The following SNX24 variants were observed in gnomAD, a reference collection of about 807,000 sequenced individuals.
SNX24 encodes sorting nexin 24.
Under a neutral mutation model 28.7 loss-of-function variants are expected in SNX24, and 22 were observed. That is an observed-to-expected ratio of 0.77 (90% CI 0.55 to 1.10). The LOEUF (loss-of-function observed/expected upper bound fraction) is 1.10, where lower values mean the gene tolerates loss of function less well. Ranked by LOEUF, SNX24 falls within the 50% of genes least tolerant of loss-of-function variation. The pLI, the probability that SNX24 is intolerant of heterozygous loss-of-function variation, is 0.00. For synonymous variants in SNX24, 69 were observed against 71.5 expected, an observed-to-expected ratio of 0.96 and a Z score of 0.18; for missense variants, 221 against 201.1, an observed-to-expected ratio of 1.10 and a Z score of -0.60.
At chr5:122,974,520 G>T (rs181931712) in intron 3 of SNX24, among the ~76,000 whole-genome samples, 2 of 152,206 alleles carry the variant, frequency 1.3e-5, no homozygotes, top group Non-Finnish European at 2.9e-5. Context: ...GGAGAAAAAG[G>T]CATTTGCCAA....
intron 6 of SNX24, among the ~76,000 whole-genome samples, chr5:123,002,369 A>G (rs1014482645): frequency 1.3e-5 from 2 of 152,168 alleles, no homozygotes; most frequent in African/African-American, 4.8e-5. Context: ...CCGGCCAGGC[A>G]TTTTTAAAAT....
chr5:122,855,967 T>C (rs1755170712), intron 1 of SNX24, among the ~76,000 whole-genome samples: 1 of 152,218 alleles, frequency 6.6e-6, no homozygotes, highest in Non-Finnish European at 1.5e-5. Context: ...CCATCTTTTA[T>C]TTATTTACTT....
chr5:122,854,897 C>A (rs1293922698), intron 1 of SNX24, among the ~76,000 whole-genome samples: 1 of 152,090 alleles, frequency 6.6e-6, no homozygotes, highest in Admixed American at 6.5e-5. Context: ...TGTGCAGTAG[C>A]ATTATGTCTA....
intron 1 of SNX24, among the ~76,000 whole-genome samples, chr5:122,909,389 G>A (rs1475940686): frequency 6.6e-6 from 1 of 152,162 alleles, no homozygotes; most frequent in African/African-American, 2.4e-5. Context: ...TTTAACAGGT[G>A]AAAAAACAGA....
chr5:122,980,572 AAACTC>A (rs1304926115), intron 3 of SNX24, among the ~76,000 whole-genome samples: 1 of 151,872 alleles, frequency 6.6e-6, no homozygotes, highest in Non-Finnish European at 1.5e-5. Flanking sequence ...TAGTAGTAGA[AAACTC>A]AACTAATTTC....
At chr5:122,888,021 G>A (rs1280418789) in intron 1 of SNX24, among the ~76,000 whole-genome samples, 1 of 152,072 alleles carries the variant, frequency 6.6e-6, no homozygotes, top group Non-Finnish European at 1.5e-5. Context: ...TAAATATATA[G>A]GATTTTTATT....
chr5:122,997,714 A>G (rs1762099728), intron 3 of SNX24, among the ~76,000 whole-genome samples: 1 of 152,230 alleles, frequency 6.6e-6, no homozygotes, highest in Non-Finnish European at 1.5e-5. Context: ...TAAGTAGTTC[A>G]GGTCATTAAA....
chr5:123,016,230 A>G (rs1361908642), intron 5 of SNX24, among the ~76,000 whole-genome samples: 2 of 152,238 alleles, frequency 1.3e-5, no homozygotes, highest in Non-Finnish European at 2.9e-5. Context: ...TTACTTGTAC[A>G]TAGGTAAGAT....
At chr5:122,926,247 G>A (rs1006545770) in intron 1 of SNX24, among the ~76,000 whole-genome samples, 15 of 152,200 alleles carry the variant, frequency 9.9e-5, no homozygotes, top group Non-Finnish European at 1.5e-4. Context: ...GTGAGGGAAC[G>A]TGCCTATTAT....
intron 1 of SNX24, among the ~76,000 whole-genome samples, chr5:122,847,585 C>A (rs1185102283): frequency 6.6e-6 from 1 of 150,446 alleles, no homozygotes; most frequent in African/African-American, 2.5e-5. Flanking sequence ...CCTCTGCCTC[C>A]TGGGCTCATG....
At chr5:123,025,352 T>G (rs1033407290) in intron 5 of SNX24, among the ~76,000 whole-genome samples, 3 of 152,234 alleles carry the variant, frequency 2.0e-5, no homozygotes, top group African/African-American at 7.2e-5. Context: ...ACTTTCTGTT[T>G]CTATCAATGT....
In SNX24 at chr5:122,873,388, C is replaced by T. The variant is rs571414841; in HGVS notation, c.60+27695C>T. On this transcript the variant is annotated intron_variant, in intron 1 of 6. Transcript: ENST00000261369. ...CTGTGGCCTAGATAATTCTAAATGC[C>T]TGCGTGGGGAGGCAGGCAGTCTGTT... 6.6e-5 allele frequency among the ~76,000 whole-genome samples: 10 copies of T among 152,228 alleles called. No individual in the cohort carries two copies. The South Asian group carries it at 2.1e-3, about 32-fold the overall frequency.
chr5:122,981,680 TG>T (rs1221511100), intron 3 of SNX24, among the ~76,000 whole-genome samples: 5 of 152,332 alleles, frequency 3.3e-5, no homozygotes, highest in African/African-American at 9.6e-5. Flanking sequence ...TTTGTTTGTT[TG>T]TTTGTTTGTT....
intron 1 of SNX24, among the ~76,000 whole-genome samples, chr5:122,901,904 C>G (rs755774613): frequency 2.0e-5 from 3 of 152,164 alleles, no homozygotes; most frequent in Admixed American, 2.0e-4. Flanking sequence ...TTTGGGATAT[C>G]CCAAAACTGA....
chr5:123,013,596 A>G (rs1281811964), downstream of SNX24, among the ~76,000 whole-genome samples: 1 of 152,186 alleles, frequency 6.6e-6, no homozygotes, highest in Non-Finnish European at 1.5e-5. Context: ...AGGAGGGCAT[A>G]TTATCTATGT....
chr5:122,972,151 A>T (rs928967703), intron 3 of SNX24, among the ~76,000 whole-genome samples: 10 of 152,216 alleles, frequency 6.6e-5, no homozygotes, highest in Admixed American at 5.9e-4. Context: ...TAGAGGTAGG[A>T]AGAGCTCATA....
intron 1 of SNX24, among the ~76,000 whole-genome samples, chr5:122,868,852 A>G (rs1306497331): frequency 6.6e-6 from 1 of 152,218 alleles, no homozygotes; most frequent in East Asian, 1.9e-4. Flanking sequence ...GTTTGACTGA[A>G]TATCTGGGCA....
At chr5:123,003,942 C>G (rs2150178301) in intron 6 of SNX24, among the ~76,000 whole-genome samples, 1 of 152,276 alleles carries the variant, frequency 6.6e-6, no homozygotes, top group South Asian at 2.1e-4. Context: ...TTTCACGAAT[C>G]AGATTCTTGT....
intron 1 of SNX24, among the ~76,000 whole-genome samples, chr5:122,870,062 C>T (rs963274007): frequency 6.6e-6 from 1 of 152,188 alleles, no homozygotes; most frequent in African/African-American, 2.4e-5. Flanking sequence ...TGTCTTCACC[C>T]TGAATGCTGC....
Sources: allele counts gnomAD v4.1 joint callset (sites outside exome capture counted in the v4.1 genomes callset), GRCh38; gene constraint gnomAD v4.1.1; transcripts MANE v1.5; gene names NCBI Gene and HGNC (gene_info 2026-07-23, HGNC 2026-07-21).